The following ANKRD44 variants were observed in gnomAD, a reference collection of about 807,000 sequenced individuals.
ANKRD44 encodes the protein ankyrin repeat domain 44, also known as serine/threonine-protein phosphatase 6 regulatory ankyrin repeat subunit B.
A neutral mutation model predicts 116.0 loss-of-function variants in ANKRD44; 35 were observed. The observed-to-expected ratio is 0.30, with a 90% CI of 0.23 to 0.40. The LOEUF is 0.40. Ranked by LOEUF, ANKRD44 falls within the 10% of genes least tolerant of loss-of-function variation. The pLI is 1.00. For synonymous variants in ANKRD44, 435 were observed against 461.8 expected (o/e 0.94, Z 0.74); for missense variants, 1,014 against 1,242.6 (o/e 0.82, Z 2.77).
chr2:197,305,984 T>C lies in ANKRD44; in HGVS notation c.27+4594A>G, dbSNP rs1488027732. ...AGTTCGTTTTATATATATATATATA[T>C]ATATATATGAAAAAAATCACTGAAC... is the stretch of plus-strand genomic sequence containing the variant. On this transcript the variant is annotated intron_variant, in intron 1 of 27. Coordinates refer to ENST00000282272, the MANE Select transcript of ANKRD44 (RefSeq NM_001195144.2). 2.1e-5 allele frequency among the ~76,000 whole-genome samples: 3 copies of C among 145,622 alleles called. No individual in the cohort carries two copies. In the East Asian group the frequency reaches 5.9e-4, roughly 29 times the overall value.
chr2:197,125,599 G>A, intron 5 of ANKRD44, 131 bp from the exon 6 acceptor site: 1 of 946,922 alleles, frequency 1.1e-6, no homozygotes, highest in Non-Finnish European at 1.7e-6. Context: ...TTCTGACAAA[G>A]TAGAAATATG....
chr2:197,195,691 AT>A (rs1242183993), intron 1 of ANKRD44, among the ~76,000 whole-genome samples: 1 of 151,938 alleles, frequency 6.6e-6, no homozygotes, highest in African/African-American at 2.4e-5. Flanking sequence ...GAACATTTCC[AT>A]TTTTTCCCCC....
chr2:197,078,507 C>A, intron 16 of ANKRD44, 196 bp downstream of exon 16: 2 of 1,399,044 alleles, frequency 1.4e-6, no homozygotes, highest in Non-Finnish European at 9.4e-7. Flanking sequence ...GGTGGTGGGG[C>A]TCTAACCTGC....
chr2:196,978,376 G>A (rs1214897177), intron 21 of ANKRD44, among the ~76,000 whole-genome samples: 1 of 152,142 alleles, frequency 6.6e-6, no homozygotes, highest in Admixed American at 6.5e-5. Context: ...GCAGAATCAT[G>A]AGCCAAAATA....
At chr2:197,063,992 A>G (rs1355033833) in intron 16 of ANKRD44, among the ~76,000 whole-genome samples, 4 of 152,200 alleles carry the variant, frequency 2.6e-5, no homozygotes, top group Non-Finnish European at 4.4e-5. Flanking sequence ...TCCAAGACAC[A>G]TAATTGTCAG....
intron 21 of ANKRD44, among the ~76,000 whole-genome samples, chr2:197,004,155 A>G (rs897122136): frequency 7.2e-5 from 11 of 152,338 alleles, no homozygotes; most frequent in African/African-American, 2.6e-4. Context: ...GAGAGACTGG[A>G]AACCTGGAAA....
intron 18 of ANKRD44, among the ~76,000 whole-genome samples, chr2:197,010,088 G>A (rs1574267885): frequency 6.6e-6 from 1 of 152,202 alleles, no homozygotes; most frequent in African/African-American, 2.4e-5. Context: ...GGAGAGAAGT[G>A]GAGGGGAGAG....
chr2:197,102,916 G>GT (rs1375555131), intron 9 of ANKRD44, among the ~76,000 whole-genome samples: 4 of 151,946 alleles, frequency 2.6e-5, no homozygotes, highest in African/African-American at 9.7e-5. Context: ...AATTTTTGAT[G>GT]TTTTTTTCCC....
At chr2:197,015,382 A>G in intron 17 of ANKRD44, 1 of 585,816 alleles carries the variant, frequency 1.7e-6, no homozygotes, top group Non-Finnish European at 3.0e-6. Context: ...GGAAAAAAAG[A>G]GAGGATTTGC....
At chr2:197,213,675 T>C (rs1408237263) in intron 1 of ANKRD44, among the ~76,000 whole-genome samples, 2 of 152,220 alleles carry the variant, frequency 1.3e-5, no homozygotes, top group Non-Finnish European at 2.9e-5. Context: ...AATAATGGAA[T>C]TGGACCTGTA....
At chr2:197,213,895 C>G (rs1387395821) in intron 1 of ANKRD44, among the ~76,000 whole-genome samples, 1 of 152,158 alleles carries the variant, frequency 6.6e-6, no homozygotes, top group South Asian at 2.1e-4. Flanking sequence ...TGTATCTTGG[C>G]AATACTACAG....
At chr2:197,056,983 A>G (rs1298261053) in intron 16 of ANKRD44, among the ~76,000 whole-genome samples, 1 of 152,200 alleles carries the variant, frequency 6.6e-6, no homozygotes, top group Non-Finnish European at 1.5e-5. Flanking sequence ...TCTGTCCACC[A>G]CACTTTTATT....
chr2:197,036,117 TAAC>T (rs1038118851), intron 16 of ANKRD44, among the ~76,000 whole-genome samples: 1 of 152,128 alleles, frequency 6.6e-6, no homozygotes, highest in African/African-American at 2.4e-5. Context: ...AAATTGTTAT[TAAC>T]AACAATTACC....
chr2:197,125,855 A>G lies in ANKRD44; in HGVS notation c.444T>C (p.Ala148=). 2 of 1,614,136 alleles carry G rather than the reference A, an allele frequency of 1.2e-6. No individual in the cohort carries two copies. The highest frequency in any genetic ancestry group is 1.7e-6 in the Non-Finnish European group (2 of 1,180,050). ...RGGRTALHHA[A]LNGHVEMVNL... is the part of the protein sequence containing the mutation. Reference sequence around the variant, plus strand: ...TACCCACCTCCACGTGGCCGTTCAGAGCCGCATGGTGCAAGGCTGTGCGCC... The same window carrying G: ...TACCCACCTCCACGTGGCCGTTCAGGGCCGCATGGTGCAAGGCTGTGCGCC... Residue 148 remains alanine (A), a synonymous_variant, in exon 5 of 28, where the codon GCT becomes GCC. Coordinates refer to ENST00000282272, the MANE Select transcript of ANKRD44 (RefSeq NM_001195144.2).
rs576806387 is a variant in ANKRD44, at chr2:197,183,404, G to A, written c.111+3619C>T. On this transcript the variant is annotated intron_variant, in intron 2 of 27. Transcript: ENST00000282272. Reference sequence around the variant, plus strand: ...CCTGCACTATTTATTTTCCTTCCTTGACATTTAAATACATGGTTATCAGCC... The same window carrying A: ...CCTGCACTATTTATTTTCCTTCCTTAACATTTAAATACATGGTTATCAGCC... 2.4e-4 allele frequency among the ~76,000 whole-genome samples: 36 copies of A among 152,226 alleles called. No individual in the cohort carries two copies. In the South Asian group the frequency reaches 7.3e-3, roughly 31 times the overall value.
chr2:197,213,541 TGATA>T (rs1384255481), intron 1 of ANKRD44, among the ~76,000 whole-genome samples: 10 of 152,236 alleles, frequency 6.6e-5, no homozygotes, highest in African/African-American at 2.4e-4. Flanking sequence ...AGCAAAGCAC[TGATA>T]AATATTTTCT....
At chr2:197,087,203 T>C (rs2077945858) in intron 12 of ANKRD44, among the ~76,000 whole-genome samples, 1 of 152,218 alleles carries the variant, frequency 6.6e-6, no homozygotes, top group Non-Finnish European at 1.5e-5. Flanking sequence ...ATAACCACTT[T>C]CAACCCAGAT....
intron 1 of ANKRD44, among the ~76,000 whole-genome samples, chr2:197,218,975 AT>A (rs1206758589): frequency 1.3e-5 from 2 of 149,818 alleles, no homozygotes; most frequent in East Asian, 3.9e-4. Context: ...GGCCAGGCTG[AT>A]CTTGAATTCC....
chr2:197,077,958 A>T (rs2077707547), intron 16 of ANKRD44: 1 of 152,172 alleles, frequency 6.6e-6, no homozygotes, highest in African/African-American at 2.4e-5. Flanking sequence ...TTACTTGAAT[A>T]ACAGAAATAA....
Sources: allele counts gnomAD v4.1 joint callset (sites outside exome capture counted in the v4.1 genomes callset), GRCh38; gene constraint gnomAD v4.1.1; transcripts MANE v1.5; gene names NCBI Gene and HGNC (gene_info 2026-07-23, HGNC 2026-07-21).